Variants in MYLK4 observed in about 807,000 individuals in gnomAD.
MYLK4 encodes caMLCK like.
A neutral mutation model predicts 48.1 loss-of-function variants in MYLK4; 46 were observed. The ratio of observed to expected loss-of-function variants is 0.96; its 90% CI spans 0.75 to 1.22. The LOEUF (loss-of-function observed/expected upper bound fraction) is 1.22, where lower values mean the gene tolerates loss of function less well. Ranked by LOEUF, MYLK4 falls within the 50% of genes most tolerant of loss-of-function variation. The pLI is 0.00. For missense variants in MYLK4, 451 were observed against 486.1 expected (o/e 0.93, Z 0.68); for synonymous variants, 170 against 180.8 (o/e 0.94, Z 0.48).
At chr6:2,716,384 T>C (rs1418425983) in intron 2 of MYLK4, among the ~76,000 whole-genome samples, 1 of 152,240 alleles carries the variant, frequency 6.6e-6, no homozygotes, top group African/African-American at 2.4e-5. Flanking sequence ...GGGTAAATCC[T>C]TTAAGGAAAA....
At chr6:2,745,086 G>T (rs144276957) in intron 2 of MYLK4, among the ~76,000 whole-genome samples, 18 of 152,292 alleles carry the variant, frequency 1.2e-4, no homozygotes, top group African/African-American at 4.1e-4. Context: ...AGACAACCCC[G>T]GGCCTCAGGA....
At chr6:2,698,388 G>T (rs1168969287) in intron 2 of MYLK4, among the ~76,000 whole-genome samples, 1 of 152,158 alleles carries the variant, frequency 6.6e-6, no homozygotes. Context: ...AAGAAAACTC[G>T]GAAGTGTATT....
intron 10 of MYLK4, among the ~76,000 whole-genome samples, chr6:2,677,018 G>T (rs963337178): frequency 1.3e-5 from 2 of 151,892 alleles, no homozygotes; most frequent in Admixed American, 6.6e-5. Context: ...TTTCCATCAA[G>T]GCACAATACT....
intron 9 of MYLK4, 128 bp downstream of exon 9, chr6:2,679,152 C>T (rs1166442905): frequency 2.7e-6 from 3 of 1,104,302 alleles, no homozygotes; most frequent in South Asian, 1.4e-5. Context: ...ACCTAGAAGG[C>T]AACTGAGGAT....
chr6:2,746,042 G>A (rs1723721717), intron 2 of MYLK4, among the ~76,000 whole-genome samples: 1 of 151,992 alleles, frequency 6.6e-6, no homozygotes. Context: ...CATGAGGTCA[G>A]GAGTTTGAGA....
At chr6:2,669,408 C>A (rs76607941) in intron 12 of MYLK4, among the ~76,000 whole-genome samples, 1 of 152,238 alleles carries the variant, frequency 6.6e-6, no homozygotes, top group Non-Finnish European at 1.5e-5. Flanking sequence ...CTACCCCCTC[C>A]CATCACCATT....
the MYLK4 span, chr6:2,765,861 T>A: frequency 6.9e-7 from 1 of 1,440,692 alleles, no homozygotes; most frequent in Non-Finnish European, 9.1e-7. Flanking sequence ...AGCTCGGCGC[T>A]GAAGCAGCCA....
At chr6:2,702,739 A>G (rs1762335147) in intron 2 of MYLK4, among the ~76,000 whole-genome samples, 1 of 152,236 alleles carries the variant, frequency 6.6e-6, no homozygotes, top group Non-Finnish European at 1.5e-5. Context: ...ACATAGATCA[A>G]AACTTCACAC....
At chr6:2,723,953 G>A (rs1297029695) in intron 2 of MYLK4, among the ~76,000 whole-genome samples, 5 of 151,796 alleles carry the variant, frequency 3.3e-5, no homozygotes, top group East Asian at 1.9e-4. Flanking sequence ...CTCGGCTCAC[G>A]GCAACCTCCG....
At chr6:2,696,481 T>C (rs1448637270) in intron 2 of MYLK4, among the ~76,000 whole-genome samples, 1 of 152,158 alleles carries the variant, frequency 6.6e-6, no homozygotes, top group Non-Finnish European at 1.5e-5. Flanking sequence ...AGAACCAAAA[T>C]GAAAGTTTGC....
intron 2 of MYLK4, among the ~76,000 whole-genome samples, chr6:2,730,456 A>G (rs983759928): frequency 6.6e-6 from 1 of 152,242 alleles, no homozygotes; most frequent in African/African-American, 2.4e-5. Flanking sequence ...AGTAGCCACA[A>G]GAGCAGGTCC....
intron 6 of MYLK4, among the ~76,000 whole-genome samples, chr6:2,683,966 G>C (rs1029239426): frequency 6.6e-6 from 1 of 152,160 alleles, no homozygotes; most frequent in African/African-American, 2.4e-5. Context: ...ACCCTCCGTG[G>C]ATGCCTGAAA....
rs747272102 is a variant in MYLK4 at position 2,685,984 on chromosome 6, C to T, written c.342-408G>A. On this transcript the variant is annotated intron_variant, in intron 4 of 12. Transcript: ENST00000274643. The surrounding 1 kb of genome is among the most constrained non-coding windows in gnomAD (Gnocchi z 4.5). ...TCGGGAGGCTGAGGCAGGAGAACGG[C>T]GTGAACCCAGGAGGCGGAGGTTGCA... Among the ~76,000 whole-genome samples the T allele has an allele frequency of 1.3e-5, 2 of 150,236 alleles. No individual in the cohort carries two copies. The highest frequency in any genetic ancestry group is 2.0e-4 in the East Asian group (1 of 5,106).
At chr6:2,767,076 A>G in the MYLK4 span, among the ~76,000 whole-genome samples, 1 of 152,200 alleles carries the variant, frequency 6.6e-6, no homozygotes, top group Non-Finnish European at 1.5e-5. Flanking sequence ...TATTTCCGTA[A>G]CTTTTCTCAT....
chr6:2,699,282 C>CTTT (rs1762184790), intron 2 of MYLK4, among the ~76,000 whole-genome samples: 25 of 63,552 alleles, frequency 3.9e-4, no homozygotes, highest in African/African-American at 1.5e-3. Flanking sequence ...CTTTTCTTTT[C>CTTT]TTTTCTTTTT....
At position 2,689,716 on chromosome 6, in the gene MYLK4, G is replaced by A. The variant is rs146277279; in HGVS notation, c.236-760C>T. ...CTTGCCATGAACCTGCTCATTCTTC[G>A]TTAATTCATTTACTAAGCAGCGACT... On this transcript the variant is annotated intron_variant, in intron 3 of 12. Coordinates refer to ENST00000274643, the MANE Select transcript of MYLK4 (RefSeq NM_001012418.5). Among the ~76,000 whole-genome samples the A allele has an allele frequency of 1.7e-3, 254 of 152,220 alleles. 2 individuals carry two copies. The highest frequency in any genetic ancestry group is 5.6e-3 in the African/African-American group (234 of 41,532).
intron 2 of MYLK4, among the ~76,000 whole-genome samples, chr6:2,719,409 T>A (rs988552347): frequency 6.6e-6 from 1 of 152,198 alleles, no homozygotes; most frequent in Non-Finnish European, 1.5e-5. Flanking sequence ...TTTATAATAG[T>A]TCTTGAAAGA....
chr6:2,749,061 C>G (rs949160867), intron 2 of MYLK4, 75 bp downstream of exon 2: 18 of 1,396,630 alleles, frequency 1.3e-5, no homozygotes, highest in African/African-American at 1.1e-4. Context: ...ATTGTACTCA[C>G]AAGCGGCTCC....
chr6:2,697,716 G>A (rs1413009919), intron 2 of MYLK4, among the ~76,000 whole-genome samples: 5 of 152,138 alleles, frequency 3.3e-5, no homozygotes, highest in Admixed American at 2.6e-4. Flanking sequence ...GAACATAAAG[G>A]CTGAGATAAG....
Sources: allele counts gnomAD v4.1 joint callset (sites outside exome capture counted in the v4.1 genomes callset), GRCh38; gene constraint gnomAD v4.1.1; non-coding constraint Gnocchi (gnomAD v3.1); transcripts MANE v1.5; gene names NCBI Gene and HGNC (gene_info 2026-07-23, HGNC 2026-07-21).